The following ATG2B variants were observed in gnomAD, a reference collection of about 807,000 sequenced individuals.
The protein encoded by ATG2B is autophagy-related protein 2 homolog B.
Under a neutral mutation model 241.3 loss-of-function variants are expected in ATG2B, and 121 were observed. That is an observed-to-expected ratio of 0.50 (90% CI 0.43 to 0.58). The LOEUF is 0.58. Among genes scored for constraint, ATG2B ranks in the 20% least tolerant of loss-of-function variants. The pLI is 0.00. For synonymous variants in ATG2B, 858 were observed against 876.6 expected (o/e 0.98, Z 0.37); for missense variants, 2,306 against 2,491.6 (o/e 0.93, Z 1.59).
In ATG2B at chr14:96,304,629, A is replaced by C. The variant is rs937293836; in HGVS notation, c.4734-26T>G. On this transcript the variant is annotated intron_variant, in intron 31 of 41. Coordinates refer to ENST00000359933, the MANE Select transcript of ATG2B (RefSeq NM_018036.7). Reference sequence around the variant, plus strand: ...CTAAAAATGAGCAAAAAAAAAAAAAACCCTTTTGTTAAAGGAATATTCAAA... The same window carrying C: ...CTAAAAATGAGCAAAAAAAAAAAAACCCCTTTTGTTAAAGGAATATTCAAA... The C allele has an allele frequency of 1.5e-5, 20 of 1,323,028 alleles. 1 individual carries two copies. Among genetic ancestry groups the C allele is most frequent in the East Asian group, 4.7e-5 (2 of 42,540 alleles). 82.0% of individuals were successfully genotyped at this position (1,323,028 alleles called of 1,614,324 possible).
intron 29 of ATG2B, among the ~76,000 whole-genome samples, chr14:96,307,527 AGTTGCTG>A (rs1411477702): frequency 1.3e-5 from 2 of 152,226 alleles, no homozygotes; most frequent in Non-Finnish European, 2.9e-5. Flanking sequence ...GAAGCTCAGC[AGTTGCTG>A]GTTAGTGTTG....
Position 96,322,622 on chromosome 14 carries a change from T to A in ATG2B, c.2654A>T (p.His885Leu). ...TAGATCACAAACATCTTTCAAGGAA[T>A]GAGCACCTCCTTCCTCTTCCTCCTG... ...HYQEEEEGGA[H>L]SLKDVCDLRR... The change falls in exon 17 of 42, where the codon CAT becomes CTT. Residue 885 changes from histidine (H) to leucine (L), a missense_variant. Transcript: ENST00000359933. 1 of 1,613,534 alleles carries A rather than the reference T, an allele frequency of 6.2e-7. No homozygotes were observed. Among genetic ancestry groups the A allele is most frequent in the Non-Finnish European group, 8.5e-7 (1 of 1,179,636 alleles).
At chr14:96,327,861 C>T (rs1372563670) in intron 14 of ATG2B, among the ~76,000 whole-genome samples, 2 of 152,184 alleles carry the variant, frequency 1.3e-5, no homozygotes, top group African/African-American at 4.8e-5. Context: ...CTCGCTCTGT[C>T]ACCCAAGCTG....
At position 96,334,430 on chromosome 14, in the gene ATG2B, A is replaced by G; in HGVS notation, c.996T>C (p.Asp332=). 1 of 1,611,014 alleles carries G rather than the reference A, an allele frequency of 6.2e-7. No individual in the cohort carries two copies. The highest frequency in any genetic ancestry group is 8.5e-7 in the Non-Finnish European group (1 of 1,178,668). ...LSPRQVHLLL[D]MLAAIAGPEN... ...CTGGTCCAGCAATAGCTGCCAACATATCCAAAAGCAAGTGCACCTGTCTTG... is the reference window on the plus strand; with the variant it reads ...CTGGTCCAGCAATAGCTGCCAACATGTCCAAAAGCAAGTGCACCTGTCTTG... Residue 332 remains aspartate, a synonymous_variant, in exon 7 of 42, where the codon GAT becomes GAC. Coordinates refer to ENST00000359933, the MANE Select transcript of ATG2B (RefSeq NM_018036.7).
chr14:96,289,758 A>G lies in ATG2B; in HGVS notation c.5904T>C (p.Ser1968=). Residue 1968 remains serine, a synonymous_variant, in exon 41 of 42, where the codon TCT becomes TCC. Transcript: ENST00000359933. This position sits in a 1 kb window ranked among gnomAD's most constrained non-coding sequence, Gnocchi z 4.3. ...AYDMVSPGTL[S]IEPKKTKRFP... ...ACCTTTTGGTCTTCTTGGGCTCGAT[A>G]GAAAGGGTACCAGGAGACACCATAT... The G allele has an allele frequency of 6.2e-7, 1 of 1,614,182 alleles. No individual in the cohort carries two copies. Among genetic ancestry groups the G allele is most frequent in the Non-Finnish European group, 8.5e-7 (1 of 1,180,008 alleles).
At chr14:96,342,192 TAA>T (rs774028289) in intron 5 of ATG2B, among the ~76,000 whole-genome samples, 2 of 142,670 alleles carry the variant, frequency 1.4e-5, no homozygotes, top group African/African-American at 2.6e-5. Flanking sequence ...GTTTTGATTG[TAA>T]AAAAAAAAAA....
At chr14:96,315,356 C>T in intron 22 of ATG2B, 28 bp downstream of exon 22, 2 of 1,602,524 alleles carry the variant, frequency 1.2e-6, no homozygotes, top group South Asian at 1.1e-5. Flanking sequence ...ATCAAATCAA[C>T]AGTGGCATAA....
At chr14:96,308,231 C>CAT (rs1181364234) in intron 29 of ATG2B, among the ~76,000 whole-genome samples, 388 of 17,574 alleles carry the variant, frequency 0.022, 7 homozygotes, top group Non-Finnish European at 0.038. Context: ...TATATATATA[C>CAT]ATATATATAT....
At position 96,290,671 on chromosome 14, in the gene ATG2B, T is replaced by C. The variant is rs779999611; in HGVS notation, c.5702-81A>G. The C allele has an allele frequency of 1.2e-4, 190 of 1,573,516 alleles. No individual in the cohort carries two copies. The highest frequency in any genetic ancestry group is 4.3e-4 in the Admixed American group (23 of 54,112). ...TTCTAACCCTGGGGTTTTTAACTCC[T>C]AAAACTGGAGGCAAAGTTTTGTGTA... is the stretch of plus-strand genomic sequence containing the variant. On this transcript the variant is annotated intron_variant, in intron 39 of 41. Transcript: ENST00000359933. This position sits in a 1 kb window ranked among gnomAD's most constrained non-coding sequence, Gnocchi z 4.4.
At chr14:96,302,575 G>A (rs1886821533) in intron 33 of ATG2B, among the ~76,000 whole-genome samples, 1 of 132,106 alleles carries the variant, frequency 7.6e-6, no homozygotes, top group Non-Finnish European at 1.8e-5. Flanking sequence ...GACACTGTTG[G>A]GGGGAAAAAA....
At chr14:96,313,278 A>C in intron 24 of ATG2B, 51 bp downstream of exon 24, 1 of 1,435,574 alleles carries the variant, frequency 7.0e-7, no homozygotes, top group Non-Finnish European at 9.6e-7. Context: ...TTTTTTCAAA[A>C]TTTAGTAGCA....
At chr14:96,345,702 T>C (rs1402207004) in intron 2 of ATG2B, among the ~76,000 whole-genome samples, 1 of 152,170 alleles carries the variant, frequency 6.6e-6, no homozygotes, top group Admixed American at 6.5e-5. Flanking sequence ...CATGGAACTG[T>C]TCTAAATATT....
intron 1 of ATG2B, among the ~76,000 whole-genome samples, chr14:96,355,859 A>G (rs1004544934): frequency 1.3e-5 from 2 of 152,160 alleles, no homozygotes; most frequent in Non-Finnish European, 2.9e-5. Flanking sequence ...TCAAATCGAG[A>G]TAAGACAGAG....
intron 33 of ATG2B, 30 bp from the exon 34 acceptor site, chr14:96,302,138 T>C (rs777719249): frequency 3.6e-6 from 5 of 1,400,480 alleles, no homozygotes; most frequent in Admixed American, 1.8e-5. Context: ...ATAACATTTT[T>C]CCCCAATAAT....
intron 1 of ATG2B, among the ~76,000 whole-genome samples, chr14:96,358,883 C>T (rs1017741811): frequency 3.3e-5 from 5 of 152,064 alleles, no homozygotes; most frequent in Non-Finnish European, 5.9e-5. Flanking sequence ...TTTTATTCTT[C>T]TGTTTAAGGG....
In ATG2B at chr14:96,322,278, A is replaced by C. The variant is rs1419807168; in HGVS notation, c.2737-24T>G. On this transcript the variant is annotated intron_variant, in intron 17 of 41. Coordinates refer to ENST00000359933, the MANE Select transcript of ATG2B (RefSeq NM_018036.7). ...ATCTAAAACATAATAGTTCAGTGCA[A>C]AAAAAAAGGCATCCATGTTTAAAAT... 2.6e-6 allele frequency: 4 copies of C among 1,568,054 alleles called. No individual in the cohort carries two copies. The East Asian group carries it at 9.2e-5, about 36-fold the overall frequency.
At chr14:96,317,571 C>T in intron 19 of ATG2B, 127 bp downstream of exon 19, 1 of 810,714 alleles carries the variant, frequency 1.2e-6, no homozygotes, top group Non-Finnish European at 1.9e-6. Context: ...TTATAAATTA[C>T]TAAAAGAAAT....
At position 96,310,978 on chromosome 14, in the gene ATG2B, A is replaced by G. The variant is rs76624569; in HGVS notation, c.4161+139T>C. 2,365 of 702,000 alleles carry G rather than the reference A, an allele frequency of 3.4e-3. 42 individuals are homozygous for G. In the African/African-American group the frequency reaches 0.038, roughly 11 times the overall value. 43.5% of individuals were successfully genotyped at this position (702,000 alleles called of 1,614,324 possible). A position where few individuals can be genotyped will look rare whatever the true frequency, so the allele number is the denominator to read the frequency against. On this transcript the variant is annotated intron_variant, in intron 28 of 41. Transcript: ENST00000359933. ...AAGGCCCATGAAACCACCGTTTCAG[A>G]CCCCATTATTCTGAAGGTAAAGAAC...
In ATG2B at chr14:96,363,016, G is replaced by A. The variant is rs17094993; in HGVS notation, c.-40C>T. The stretch of plus-strand genomic sequence containing the variant: ...GCTGGGCTGACTGCGGCTGCGGGTT[G>A]CGACGGCTCCGGCCTCGGGGTAGCG... On this transcript the variant is annotated 5_prime_UTR_variant, in exon 1 of 42. Transcript: ENST00000359933. The A allele has an allele frequency of 3.0e-3, 4,811 of 1,610,344 alleles. 232 individuals are homozygous for A. The East Asian group carries it at 0.091, about 30-fold the overall frequency.
Sources: gnomAD v4.1 joint callset for allele counts (sites outside exome capture counted in the v4.1 genomes callset) on GRCh38, gnomAD v4.1.1 for gene constraint, Gnocchi (gnomAD v3.1) non-coding constraint, MANE v1.5 for transcripts, NCBI Gene and HGNC (gene_info 2026-07-23, HGNC 2026-07-21) for gene names.